The following LUZP2 variants were observed in gnomAD, a reference collection of about 807,000 sequenced individuals.
The protein encoded by LUZP2 is leucine zipper protein 2.
A neutral mutation model predicts 51.6 loss-of-function variants in LUZP2; 52 were observed. The ratio of observed to expected loss-of-function variants is 1.01; its 90% CI spans 0.81 to 1.27. The LOEUF (loss-of-function observed/expected upper bound fraction) is 1.27. Ranked by LOEUF, LUZP2 falls within the 50% of genes most tolerant of loss-of-function variation. The pLI, the probability that LUZP2 is intolerant of heterozygous loss-of-function variation, is 0.00. For missense variants in LUZP2, 436 were observed against 395.4 expected (o/e 1.10, Z -0.87); for synonymous variants, 154 against 137.3 (o/e 1.12, Z -0.85).
intron 4 of LUZP2, among the ~76,000 whole-genome samples, chr11:24,742,324 C>T (rs559851359): frequency 4.6e-5 from 7 of 151,698 alleles, no homozygotes; most frequent in Admixed American, 6.6e-5. Flanking sequence ...ACCAGCAGTG[C>T]GAAAGTGTTC....
intron 5 of LUZP2, among the ~76,000 whole-genome samples, chr11:24,890,064 C>A (rs1386233960): frequency 6.6e-6 from 1 of 152,104 alleles, no homozygotes; most frequent in East Asian, 1.9e-4. Context: ...TCTCCCCCAC[C>A]CCCATGGAAA....
At position 24,746,832 on chromosome 11, in the gene LUZP2, G is replaced by T. The variant is rs560549773; in HGVS notation, c.333+8530G>T. 1.6e-3 allele frequency among the ~76,000 whole-genome samples: 248 copies of T among 152,190 alleles called. 4 individuals carry two copies. The highest frequency in any genetic ancestry group is 6.9e-4 in the Non-Finnish European group (47 of 68,006). ...AACTCTGGATTTCTTTCTTCTACGGGTTCAATTCTATTGTGAGACTTTCCA... is the reference window on the plus strand; with the variant it reads ...AACTCTGGATTTCTTTCTTCTACGGTTTCAATTCTATTGTGAGACTTTCCA... On this transcript the variant is annotated intron_variant, in intron 4 of 11. Transcript: ENST00000336930.
rs75845899 is a variant in LUZP2 at position 24,803,996 on chromosome 11, G to GAAA, written c.396+40705_396+40707dup. On this transcript the variant is annotated intron_variant, in intron 5 of 11. Transcript: ENST00000336930. Reference sequence around the variant, plus strand: ...GTACAAACAAGCAAGTGCCATAAAGGAAAAAAAAAAAAAAAAAAACTAGGA... The same window carrying GAAA: ...GTACAAACAAGCAAGTGCCATAAAGGAAAAAAAAAAAAAAAAAAAAAACTAGGA... Among the ~76,000 whole-genome samples, 370 of 106,068 alleles carry GAAA rather than the reference G, an allele frequency of 3.5e-3. 7 individuals carry two copies. Among genetic ancestry groups the GAAA allele is most frequent in the East Asian group, 0.022 (87 of 4,042 alleles). 69.6% of individuals were successfully genotyped at this position (106,068 alleles called of 152,430 possible).
At chr11:24,700,056 CTTTTTTTTTT>C (rs762849302) in intron 1 of LUZP2, among the ~76,000 whole-genome samples, 1 of 95,978 alleles carries the variant, frequency 1.0e-5, no homozygotes, top group African/African-American at 4.1e-5. Flanking sequence ...TTTTCCTCAA[CTTTTTTTTTT>C]TTTTTTTTTT....
intron 5 of LUZP2, among the ~76,000 whole-genome samples, chr11:24,810,504 G>A (rs529231863): frequency 2.2e-4 from 33 of 152,168 alleles, no homozygotes; most frequent in African/African-American, 7.7e-4. Context: ...ATTTAATTGA[G>A]AAACTAGAAT....
At chr11:24,830,727 G>T (rs1304406348) in intron 5 of LUZP2, among the ~76,000 whole-genome samples, 1 of 152,014 alleles carries the variant, frequency 6.6e-6, no homozygotes, top group African/African-American at 2.4e-5. Context: ...AGGTGCGGTG[G>T]CTCATGCCTG....
At chr11:24,703,021 C>A (rs914543575) in intron 1 of LUZP2, among the ~76,000 whole-genome samples, 1 of 151,994 alleles carries the variant, frequency 6.6e-6, no homozygotes, top group Non-Finnish European at 1.5e-5. Context: ...GGCAAGGAGG[C>A]AAGTTAAGAC....
At chr11:25,065,584 G>A (rs1422741167) in intron 10 of LUZP2, among the ~76,000 whole-genome samples, 1 of 151,968 alleles carries the variant, frequency 6.6e-6, no homozygotes, top group South Asian at 2.1e-4. Context: ...CACCCACGGG[G>A]TTTAACCTTA....
At chr11:24,866,695 G>A (rs1438387467) in intron 5 of LUZP2, among the ~76,000 whole-genome samples, 1 of 152,178 alleles carries the variant, frequency 6.6e-6, no homozygotes, top group African/African-American at 2.4e-5. Flanking sequence ...TGCCAACATA[G>A]TAGGTAACAT....
At chr11:24,925,688 A>G (rs1854205122) in intron 7 of LUZP2, among the ~76,000 whole-genome samples, 1 of 152,114 alleles carries the variant, frequency 6.6e-6, no homozygotes, top group South Asian at 2.1e-4. Context: ...TTCAAATAGA[A>G]TGACTAAAAG....
chr11:24,976,525 A>C, intron 7 of LUZP2, 66 bp from the exon 8 acceptor site: 2 of 1,007,910 alleles, frequency 2.0e-6, no homozygotes, highest in East Asian at 2.7e-5. Context: ...GCAATATATG[A>C]CAGATGCTTA....
intron 1 of LUZP2, among the ~76,000 whole-genome samples, chr11:24,639,565 C>A (rs559517676): frequency 6.6e-6 from 1 of 151,894 alleles, no homozygotes; most frequent in South Asian, 2.1e-4. Flanking sequence ...AATTCTCCTG[C>A]CGCAGCCTCC....
chr11:24,926,629 GTATA>G (rs989163482), intron 7 of LUZP2, among the ~76,000 whole-genome samples: 11 of 137,556 alleles, frequency 8.0e-5, no homozygotes, highest in African/African-American at 3.0e-4. Context: ...ATATATGTGT[GTATA>G]TATGTATATA....
chr11:24,752,634 A>G (rs1277846257), intron 4 of LUZP2, among the ~76,000 whole-genome samples: 1 of 152,156 alleles, frequency 6.6e-6, no homozygotes, highest in East Asian at 1.9e-4. Context: ...TAAATTTTCT[A>G]TATTTTAACT....
At chr11:24,887,842 A>G (rs1333045441) in intron 5 of LUZP2, among the ~76,000 whole-genome samples, 1 of 152,210 alleles carries the variant, frequency 6.6e-6, no homozygotes, top group Non-Finnish European at 1.5e-5. Flanking sequence ...AGTCATATAA[A>G]GTGGTGCACA....
intron 5 of LUZP2, among the ~76,000 whole-genome samples, chr11:24,788,440 G>A (rs1028983935): frequency 1.5e-4 from 22 of 151,456 alleles, no homozygotes; most frequent in Admixed American, 7.2e-4. Context: ...CACCCACCTC[G>A]GCCTCCCAAA....
At chr11:24,544,236 C>T (rs150493623) in intron 1 of LUZP2, among the ~76,000 whole-genome samples, 314 of 152,068 alleles carry the variant, frequency 2.1e-3, no homozygotes, top group African/African-American at 5.8e-3. Flanking sequence ...GTCCAGTTTG[C>T]GTCATCCTGA....
At chr11:24,722,599 T>C (rs1858317840) in intron 1 of LUZP2, among the ~76,000 whole-genome samples, 1 of 152,030 alleles carries the variant, frequency 6.6e-6, no homozygotes, top group Admixed American at 6.6e-5. Context: ...TCAACAACTC[T>C]TCATTAAAAG....
chr11:24,869,022 G>C (rs1323500245), intron 5 of LUZP2, among the ~76,000 whole-genome samples: 2 of 152,126 alleles, frequency 1.3e-5, no homozygotes, highest in Non-Finnish European at 2.9e-5. Context: ...ATCTTTGCCA[G>C]GAGTTTTTGG....
Sources: allele counts gnomAD v4.1 joint callset (sites outside exome capture counted in the v4.1 genomes callset), GRCh38; gene constraint gnomAD v4.1.1; transcripts MANE v1.5; gene names NCBI Gene and HGNC (gene_info 2026-07-23, HGNC 2026-07-21).